The following ABL2 variants were observed in gnomAD, a reference collection of about 807,000 sequenced individuals.
The protein encoded by ABL2 is ABL proto-oncogene 2, non-receptor tyrosine kinase.
In ABL2, 49 loss-of-function variants were observed where a neutral mutation model predicts 107.7. The ratio of observed to expected loss-of-function variants is 0.45; its 90% CI spans 0.36 to 0.58. ABL2 has a LOEUF of 0.58. Ranked by LOEUF, ABL2 falls within the 20% of genes least tolerant of loss-of-function variation. The probability of loss-of-function intolerance (pLI) is 0.00; values close to 1 mark genes in which losing one functional copy is unlikely to be tolerated. For synonymous variants in ABL2, 549 were observed against 548.6 expected (o/e 1.00, Z -0.01); for missense variants, 1,245 against 1,457.0 (o/e 0.85, Z 2.37).
chr1:179,160,612 T>C (rs999593017), intron 1 of ABL2, among the ~76,000 whole-genome samples: 6 of 152,176 alleles, frequency 3.9e-5, no homozygotes, highest in African/African-American at 1.4e-4. Context: ...ATATATTTTA[T>C]GATAAAAATT....
intron 1 of ABL2, among the ~76,000 whole-genome samples, chr1:179,212,668 G>C (rs533283916): frequency 6.6e-6 from 1 of 152,138 alleles, no homozygotes; most frequent in East Asian, 1.9e-4. Flanking sequence ...GGGAGGCGGA[G>C]GTTGTGGTGA....
At chr1:179,217,722 G>A (rs78209812) in intron 1 of ABL2, among the ~76,000 whole-genome samples, 2,219 of 152,066 alleles carry the variant, frequency 0.015, 49 homozygotes, top group African/African-American at 0.049. Flanking sequence ...GGTATGGTGA[G>A]TTCCCACCTC....
At chr1:179,193,612 A>G (rs1208169057) in intron 1 of ABL2, among the ~76,000 whole-genome samples, 2 of 151,980 alleles carry the variant, frequency 1.3e-5, no homozygotes, top group African/African-American at 4.8e-5. Context: ...CACCATGTTC[A>G]CCAAGCTAGT....
chr1:179,212,252 T>A (rs767818082), intron 1 of ABL2, among the ~76,000 whole-genome samples: 4 of 152,192 alleles, frequency 2.6e-5, no homozygotes, highest in African/African-American at 9.7e-5. Flanking sequence ...ATTATTACAA[T>A]TCAAGGTGAG....
chr1:179,169,058 G>C (rs1030934044), intron 1 of ABL2, among the ~76,000 whole-genome samples: 1 of 152,092 alleles, frequency 6.6e-6, no homozygotes, highest in Non-Finnish European at 1.5e-5. Context: ...AGTGTTAAAA[G>C]ACCCCAGAAT....
At chr1:179,124,027 G>A (rs1202249956) in intron 4 of ABL2, among the ~76,000 whole-genome samples, 1 of 152,084 alleles carries the variant, frequency 6.6e-6, no homozygotes, top group Non-Finnish European at 1.5e-5. Context: ...GGATCACGAG[G>A]TCAGGAGATC....
At chr1:179,112,169 G>A in intron 10 of ABL2, 140 bp downstream of exon 10, 8 of 635,614 alleles carry the variant, frequency 1.3e-5, no homozygotes, top group Non-Finnish European at 1.9e-5. Context: ...ATACTCTGAT[G>A]CAATGTCCTT....
intron 1 of ABL2, among the ~76,000 whole-genome samples, chr1:179,174,577 T>C (rs552644805): frequency 6.6e-6 from 1 of 152,266 alleles, no homozygotes; most frequent in African/African-American, 2.4e-5. Context: ...TATGTATATA[T>C]GAATGACTAC....
At chr1:179,131,087 T>C (rs1027078119) in intron 3 of ABL2, 3 of 317,566 alleles carry the variant, frequency 9.4e-6, no homozygotes, top group African/African-American at 2.1e-5. Flanking sequence ...ACTACAGGCA[T>C]GGGCTACCAC....
chr1:179,148,829 G>A (rs1243750392), intron 1 of ABL2, among the ~76,000 whole-genome samples: 1 of 151,166 alleles, frequency 6.6e-6, no homozygotes. Flanking sequence ...GAACCTGGGA[G>A]GCAGAGGTTG....
Position 179,121,775 on chromosome 1 carries a change from G to GTGTA in ABL2, c.776_779dup (p.Tyr261ThrfsTer8). The GTGTA allele has an allele frequency of 1.2e-6, 2 of 1,614,138 alleles. No homozygotes were observed. Among genetic ancestry groups the GTGTA allele is most frequent in the Non-Finnish European group, 1.7e-6 (2 of 1,180,024 alleles). On this transcript the variant is annotated frameshift_variant, in exon 5 of 12. Transcript: ENST00000502732. LOFTEE classifies it high-confidence loss of function. ...GCTTATTACACTTGGGTGCTGGGTA[G>GTGTA]TGTAATGTTGTCACCAGCCCATCAG...
chr1:179,124,464 C>CTTTTTTTTTTTTTT lies in ABL2; in HGVS notation c.687+1899_687+1912dup, dbSNP rs562899587. On this transcript the variant is annotated intron_variant, in intron 4 of 11. Transcript: ENST00000502732. ...TTCTAACATCTTAGATTAGCTTCTGCTTTTTTTTTTTTTTTTTTTTTTGAG... is the reference window on the plus strand; with the variant it reads ...TTCTAACATCTTAGATTAGCTTCTGCTTTTTTTTTTTTTTTTTTTTTTTTTTTTTTTTTTTTGAG... Among the ~76,000 whole-genome samples, 7 of 83,354 alleles carry CTTTTTTTTTTTTTT rather than the reference C, an allele frequency of 8.4e-5. 1 individual carries two copies. Among genetic ancestry groups the CTTTTTTTTTTTTTT allele is most frequent in the Admixed American group, 1.8e-4 (1 of 5,584 alleles). The allele number at this position is 83,354 out of a possible 152,430, so 54.7% of individuals were successfully genotyped here. A position where few individuals can be genotyped will look rare whatever the true frequency, so the allele number is the denominator to read the frequency against.
chr1:179,143,105 C>T, intron 1 of ABL2: 4 of 1,582,912 alleles, frequency 2.5e-6, no homozygotes, highest in Non-Finnish European at 2.6e-6. Context: ...CTTAGAATTC[C>T]ATTCTCTGAC....
chr1:179,226,911 C>T (rs1663248760), intron 1 of ABL2, among the ~76,000 whole-genome samples: 1 of 152,138 alleles, frequency 6.6e-6, no homozygotes, highest in South Asian at 2.1e-4. Flanking sequence ...CCTTTAAGTT[C>T]CAAAGGGCAG....
chr1:179,100,021 T>C lies in ABL2; in HGVS notation c.*7697A>G, dbSNP rs1167301180. 8.6e-6 allele frequency: 2 copies of C among 232,466 alleles called. No homozygotes were observed. The highest frequency in any genetic ancestry group is 1.7e-5 in the Non-Finnish European group (2 of 117,592). 14.4% of individuals were successfully genotyped at this position (232,466 alleles called of 1,614,324 possible). A position where few individuals can be genotyped will look rare whatever the true frequency, so the allele number is the denominator to read the frequency against. On this transcript the variant is annotated 3_prime_UTR_variant, in exon 12 of 12. Transcript: ENST00000502732. ...TTAATGGGCACGACAGCAATGCACG[T>C]GTATTTATGGACACAAACACACACC...
intron 1 of ABL2, among the ~76,000 whole-genome samples, chr1:179,189,206 G>A (rs1660859584): frequency 6.6e-6 from 1 of 152,086 alleles, no homozygotes; most frequent in Admixed American, 6.5e-5. Context: ...TGCGATCTAG[G>A]CTCACTGCAA....
intron 5 of ABL2, 93 bp from the exon 6 acceptor site, chr1:179,120,367 GCTTTAA>G (rs2102624100): frequency 3.1e-6 from 2 of 644,376 alleles, no homozygotes; most frequent in East Asian, 5.8e-5. Context: ...TAAAGCTTCA[GCTTTAA>G]AAGTAAAAAC....
intron 1 of ABL2, among the ~76,000 whole-genome samples, chr1:179,142,587 C>T (rs1354480911): frequency 4.6e-5 from 7 of 152,118 alleles, no homozygotes; most frequent in African/African-American, 7.2e-5. Flanking sequence ...CAGAATTCTA[C>T]TTTATCTGAC....
intron 1 of ABL2, among the ~76,000 whole-genome samples, chr1:179,181,699 G>A (rs1343101210): frequency 6.6e-6 from 1 of 151,954 alleles, no homozygotes; most frequent in Non-Finnish European, 1.5e-5. Flanking sequence ...TCTAATACAC[G>A]AATTCATATA....
Sources: gnomAD v4.1 joint callset for allele counts (sites outside exome capture counted in the v4.1 genomes callset) on GRCh38, gnomAD v4.1.1 for gene constraint, MANE v1.5 for transcripts, NCBI Gene and HGNC (gene_info 2026-07-23, HGNC 2026-07-21) for gene names.